Variants in PIK3C3 observed in about 807,000 individuals in gnomAD.
PIK3C3 encodes the protein PI3-kinase type 3.
A neutral mutation model predicts 126.1 loss-of-function variants in PIK3C3; 95 were observed. The ratio of observed to expected loss-of-function variants is 0.75; its 90% CI spans 0.64 to 0.89. The LOEUF is 0.89. PIK3C3 is among the 40% of genes least tolerant of loss of function. The pLI is 0.00. For missense variants in PIK3C3, 829 were observed against 1,063.2 expected (o/e 0.78, Z 3.06); for synonymous variants, 374 against 360.0 (o/e 1.04, Z -0.44).
At chr18:41,957,090 C>G (rs550080104) in intron 1 of PIK3C3, among the ~76,000 whole-genome samples, 2 of 152,014 alleles carry the variant, frequency 1.3e-5, no homozygotes, top group Non-Finnish European at 1.5e-5. Flanking sequence ...ATTTTTTTCC[C>G]CAGAAGCAAT....
intron 18 of PIK3C3, 134 bp downstream of exon 18, chr18:42,038,984 G>A: frequency 1.7e-6 from 1 of 600,908 alleles, no homozygotes; most frequent in South Asian, 2.1e-5. Context: ...GGACCTTCCT[G>A]CCTGCTTCCC....
chr18:42,066,262 C>T lies in PIK3C3; in HGVS notation c.2524-1126C>T, dbSNP rs1985533739. Among the ~76,000 whole-genome samples, 4 of 152,162 alleles carry T rather than the reference C, an allele frequency of 2.6e-5. No homozygotes were observed. In the South Asian group the frequency reaches 8.3e-4, roughly 31 times the overall value. On this transcript the variant is annotated intron_variant, in intron 23 of 24. Transcript: ENST00000262039. ...TTGTGGCTCAAGCACTCTCAGATCA[C>T]CTGGTATACCTCCAGTACAGTGAAG...
intron 22 of PIK3C3, among the ~76,000 whole-genome samples, chr18:42,060,928 A>C (rs981109398): frequency 6.6e-6 from 1 of 152,210 alleles, no homozygotes. Flanking sequence ...GAAGTAGTAC[A>C]CTTATTGAAT....
chr18:42,081,101 T>C, intron 24 of PIK3C3, 22 bp from the exon 25 acceptor site: 1 of 1,380,210 alleles, frequency 7.2e-7, no homozygotes, highest in Middle Eastern at 1.8e-4. Context: ...ATTTTCTGTT[T>C]ATTTCTTTTT....
intron 10 of PIK3C3, among the ~76,000 whole-genome samples, chr18:42,010,304 G>A (rs1271113919): frequency 6.6e-6 from 1 of 152,104 alleles, no homozygotes; most frequent in Non-Finnish European, 1.5e-5. Flanking sequence ...TGTTCAGGCT[G>A]CACCTCTAAT....
At chr18:42,068,894 G>A (rs1985656158) in intron 24 of PIK3C3, among the ~76,000 whole-genome samples, 1 of 148,794 alleles carries the variant, frequency 6.7e-6, no homozygotes, top group African/African-American at 2.5e-5. Flanking sequence ...AGGTTGCGGT[G>A]AGCTGAGATT....
intron 7 of PIK3C3, among the ~76,000 whole-genome samples, chr18:41,994,629 T>G (rs1334172959): frequency 6.6e-6 from 1 of 152,110 alleles, no homozygotes; most frequent in Non-Finnish European, 1.5e-5. Context: ...ATTTCTTCAC[T>G]AAGTCATAAT....
intron 24 of PIK3C3, among the ~76,000 whole-genome samples, chr18:42,076,987 A>C (rs530565126): frequency 3.3e-5 from 5 of 152,222 alleles, no homozygotes; most frequent in African/African-American, 7.2e-5. Flanking sequence ...AAAGACACAG[A>C]CATTTCAAAG....
chr18:42,040,057 C>CT (rs527830102), intron 18 of PIK3C3, among the ~76,000 whole-genome samples: 100 of 146,212 alleles, frequency 6.8e-4, no homozygotes, highest in Non-Finnish European at 1.0e-3. Context: ...CTTCATCCAA[C>CT]TTTTTTTTTT....
Position 42,086,832 on chromosome 18 carries a change from C to T in PIK3C3, c.*5695C>T, listed in dbSNP as rs889200740. 2 of 152,190 alleles carry T rather than the reference C, an allele frequency of 1.3e-5. No individual in the cohort carries two copies. The highest frequency in any genetic ancestry group is 4.8e-5 in the African/African-American group (2 of 41,458). The allele number at this position is 152,190 out of a possible 1,614,324, so 9.4% of individuals were successfully genotyped here. A position where few individuals can be genotyped will look rare whatever the true frequency, so the allele number is the denominator to read the frequency against. ...ATTAAAAAATAGCCAACCAGCAGCT[C>T]ATGCTGCTGGTCTGCCTATGGAGTA... On this transcript the variant is annotated 3_prime_UTR_variant, in exon 25 of 25. Transcript: ENST00000262039.
chr18:42,005,661 A>G (rs1982506396), intron 10 of PIK3C3, among the ~76,000 whole-genome samples: 2 of 152,220 alleles, frequency 1.3e-5, no homozygotes, highest in African/African-American at 4.8e-5. Context: ...TGTCGATCGC[A>G]TAGAACAACT....
chr18:42,070,722 G>A (rs1985738921), intron 24 of PIK3C3, among the ~76,000 whole-genome samples: 1 of 152,092 alleles, frequency 6.6e-6, no homozygotes, highest in Non-Finnish European at 1.5e-5. Flanking sequence ...AGCTAATGTT[G>A]ACTACTGCAA....
chr18:41,987,844 G>A lies in PIK3C3; in HGVS notation c.564G>A (p.Val188=), dbSNP rs756730576. The A allele has an allele frequency of 4.4e-6, 7 of 1,608,062 alleles. No individual in the cohort carries two copies. The African/African-American group carries it at 8.0e-5, about 18-fold the overall frequency. ...AAGCTCATCGACAAGGACACATGGTGAAAGTAGATTGGCTGGATAGATTGA... is the reference window on the plus strand; with the variant it reads ...AAGCTCATCGACAAGGACACATGGTAAAAGTAGATTGGCTGGATAGATTGA... ...LTKAHRQGHM[V]KVDWLDRLTF... The change falls in exon 5 of 25, where the codon GTG becomes GTA. Residue 188 remains valine, a synonymous_variant. Coordinates refer to ENST00000262039, the MANE Select transcript of PIK3C3 (RefSeq NM_002647.4).
intron 21 of PIK3C3, 82 bp downstream of exon 21, chr18:42,049,687 G>A (rs540202318): frequency 6.0e-6 from 7 of 1,169,702 alleles, no homozygotes; most frequent in Admixed American, 5.2e-5. Flanking sequence ...AACAAGATAA[G>A]TTGCGGCCTG....
At chr18:41,962,743 A>G in intron 3 of PIK3C3, 111 bp downstream of exon 3, 2 of 885,932 alleles carry the variant, frequency 2.3e-6, no homozygotes, top group Non-Finnish European at 3.3e-6. Context: ...AGTGTAAACC[A>G]GTTAGGTACA....
chr18:42,081,979 G>A lies in PIK3C3; in HGVS notation c.*842G>A, dbSNP rs1441288321. 2 of 150,698 alleles carry A rather than the reference G, an allele frequency of 1.3e-5. No homozygotes were observed. Among genetic ancestry groups the A allele is most frequent in the Admixed American group, 6.7e-5 (1 of 14,866 alleles). The allele number at this position is 150,698 out of a possible 1,614,324, so 9.3% of individuals were successfully genotyped here. On this transcript the variant is annotated 3_prime_UTR_variant, in exon 25 of 25. Transcript: ENST00000262039. ...AGCTTTTTGATGTTATAAAGGAGTT[G>A]AGGAACAAAAAGCTCTTTGAAATAG...
chr18:42,016,178 G>A (rs1324975236), intron 12 of PIK3C3, among the ~76,000 whole-genome samples: 1 of 152,134 alleles, frequency 6.6e-6, no homozygotes, highest in Non-Finnish European at 1.5e-5. Flanking sequence ...ATTTTTCAGT[G>A]TGTGTATATA....
chr18:42,046,038 C>T (rs907816624), intron 20 of PIK3C3, among the ~76,000 whole-genome samples: 5 of 152,056 alleles, frequency 3.3e-5, no homozygotes, highest in Non-Finnish European at 7.4e-5. Flanking sequence ...TATAGTGGTC[C>T]ATTTTCCCCC....
intron 3 of PIK3C3, among the ~76,000 whole-genome samples, chr18:41,969,069 T>G (rs1023956434): frequency 1.3e-5 from 2 of 151,998 alleles, no homozygotes; most frequent in African/African-American, 4.8e-5. Flanking sequence ...TCTGCCTGCC[T>G]CAGCCTCTCA....
Sources: gnomAD v4.1 joint callset for allele counts (sites outside exome capture counted in the v4.1 genomes callset) on GRCh38, gnomAD v4.1.1 for gene constraint, MANE v1.5 for transcripts, NCBI Gene and HGNC (gene_info 2026-07-23, HGNC 2026-07-21) for gene names.